The following ERBB4 variants were observed in gnomAD, a reference collection of about 807,000 sequenced individuals.
The protein encoded by ERBB4 is erb-b2 receptor tyrosine kinase 4, also known as receptor tyrosine-protein kinase erbB-4.
A neutral mutation model predicts 158.0 loss-of-function variants in ERBB4; 42 were observed. The ratio of observed to expected loss-of-function variants is 0.27; its 90% CI spans 0.21 to 0.34. The LOEUF is 0.34. Ranked by LOEUF, ERBB4 falls within the 10% of genes least tolerant of loss-of-function variation. ERBB4 has a pLI of 1.00. For synonymous variants in ERBB4, 583 were observed against 558.7 expected (o/e 1.04, Z -0.61); for missense variants, 1,333 against 1,624.1 (o/e 0.82, Z 3.08).
intron 3 of ERBB4, among the ~76,000 whole-genome samples, chr2:211,911,240 A>G (rs2079533764): frequency 6.6e-6 from 1 of 152,180 alleles, no homozygotes; most frequent in Non-Finnish European, 1.5e-5. Flanking sequence ...TGATGCAAAC[A>G]TGGACATCTT....
Position 212,350,983 on chromosome 2 carries a change from T to C in ERBB4, c.82+187466A>G, listed in dbSNP as rs112969827. On this transcript the variant is annotated intron_variant, in intron 1 of 27. Transcript: ENST00000342788. ...CCATGGAGCAGGGAAGGGCTATTAT[T>C]ATCAGCTAGTGGGTATTACTGGCTG... Among the ~76,000 whole-genome samples, 306 of 152,272 alleles carry C rather than the reference T, an allele frequency of 2.0e-3. 3 individuals are homozygous for C. Among genetic ancestry groups the C allele is most frequent in the Middle Eastern group, 6.8e-3 (2 of 294 alleles).
At chr2:211,882,031 C>A (rs2078678255) in intron 3 of ERBB4, among the ~76,000 whole-genome samples, 1 of 152,064 alleles carries the variant, frequency 6.6e-6, no homozygotes, top group Admixed American at 6.6e-5. Context: ...AGAAAAATAT[C>A]CAGAAAACCT....
intron 2 of ERBB4, among the ~76,000 whole-genome samples, chr2:212,008,834 G>T (rs1228922824): frequency 6.6e-6 from 1 of 152,068 alleles, no homozygotes; most frequent in Non-Finnish European, 1.5e-5. Flanking sequence ...AACTATATTT[G>T]TTCCTAAAAT....
intron 16 of ERBB4, among the ~76,000 whole-genome samples, chr2:211,643,981 C>G (rs960781140): frequency 2.6e-5 from 4 of 152,082 alleles, no homozygotes; most frequent in South Asian, 4.1e-4. Context: ...ATAAAGAGAA[C>G]ATGAAGAAAC....
chr2:211,482,319 A>C (rs1369028810), intron 20 of ERBB4, among the ~76,000 whole-genome samples: 4 of 152,198 alleles, frequency 2.6e-5, no homozygotes, highest in Non-Finnish European at 5.9e-5. Flanking sequence ...CAGAGTAGAA[A>C]ACTTCACACT....
At chr2:211,738,617 C>T (rs1425293658) in intron 5 of ERBB4, among the ~76,000 whole-genome samples, 2 of 151,844 alleles carry the variant, frequency 1.3e-5, no homozygotes, top group African/African-American at 4.8e-5. Flanking sequence ...GGTGATCCAC[C>T]TGCCTTGGCC....
intron 1 of ERBB4, among the ~76,000 whole-genome samples, chr2:212,196,027 A>G (rs1172613122): frequency 1.3e-5 from 2 of 152,126 alleles, no homozygotes; most frequent in African/African-American, 2.4e-5. Flanking sequence ...TAACAAAAGC[A>G]ATTTTAATGT....
chr2:211,906,319 G>A (rs545025340), intron 3 of ERBB4, among the ~76,000 whole-genome samples: 1 of 152,098 alleles, frequency 6.6e-6, no homozygotes, highest in Admixed American at 6.6e-5. Flanking sequence ...AAATAAAAAA[G>A]GAAAATAATT....
intron 2 of ERBB4, among the ~76,000 whole-genome samples, chr2:212,111,623 T>C (rs551646573): frequency 7.9e-6 from 1 of 127,022 alleles, no homozygotes; most frequent in African/African-American, 2.6e-5. Flanking sequence ...CTTCTCCTTT[T>C]TCTCTATTCT....
chr2:211,912,713 A>C (rs955923320), intron 3 of ERBB4, among the ~76,000 whole-genome samples: 12 of 152,204 alleles, frequency 7.9e-5, no homozygotes, highest in African/African-American at 2.9e-4. Flanking sequence ...GTGGCTCTGC[A>C]AAGCCATCTT....
rs578172189 is a variant in ERBB4 at position 211,687,186 on chromosome 2, T to A, written c.1490-8002A>T. Among the ~76,000 whole-genome samples the A allele has an allele frequency of 2.0e-5, 3 of 149,376 alleles. No individual in the cohort carries two copies. In the South Asian group the frequency reaches 6.4e-4, roughly 32 times the overall value. ...CAGGCGTGGTGGTGGGCGCCTGTAG[T>A]CCCAGTTACTTGGGAGGCTGAGGCA... On this transcript the variant is annotated intron_variant, in intron 12 of 27. Coordinates refer to ENST00000342788, the MANE Select transcript of ERBB4 (RefSeq NM_005235.3).
intron 20 of ERBB4, among the ~76,000 whole-genome samples, chr2:211,483,015 CAT>C (rs1172422792): frequency 6.6e-6 from 1 of 151,870 alleles, no homozygotes; most frequent in Non-Finnish European, 1.5e-5. Flanking sequence ...AATTATATTT[CAT>C]ATGTTTAAGA....
At chr2:212,486,961 AAAC>A (rs1271255733) in intron 1 of ERBB4, among the ~76,000 whole-genome samples, 3 of 152,162 alleles carry the variant, frequency 2.0e-5, no homozygotes, top group Non-Finnish European at 4.4e-5. Context: ...CAAGATCTTA[AAAC>A]AATAGTACAG....
At chr2:211,717,693 G>A (rs1300965312) in intron 7 of ERBB4, among the ~76,000 whole-genome samples, 3 of 78,308 alleles carry the variant, frequency 3.8e-5, no homozygotes, top group East Asian at 2.6e-4. Context: ...GCTGGGCGTG[G>A]TGGATGTGCC....
chr2:212,234,972 A>C (rs1321868442), intron 1 of ERBB4, among the ~76,000 whole-genome samples: 1 of 151,980 alleles, frequency 6.6e-6, no homozygotes, highest in East Asian at 1.9e-4. Flanking sequence ...GAGGCTTTTT[A>C]GTTTAATTAG....
chr2:212,256,025 G>GT (rs1472292619), intron 1 of ERBB4, among the ~76,000 whole-genome samples: 1 of 149,824 alleles, frequency 6.7e-6, no homozygotes, highest in Non-Finnish European at 1.5e-5. Flanking sequence ...AATGGGGGGG[G>GT]GTCTCACTCT....
chr2:212,394,901 C>A (rs560248630), intron 1 of ERBB4, among the ~76,000 whole-genome samples: 3 of 151,986 alleles, frequency 2.0e-5, no homozygotes, highest in African/African-American at 7.2e-5. Context: ...GATACACTGA[C>A]CTGAAGGAGA....
intron 1 of ERBB4, among the ~76,000 whole-genome samples, chr2:212,154,970 G>C (rs1357890862): frequency 2.6e-5 from 4 of 152,144 alleles, no homozygotes; most frequent in Non-Finnish European, 4.4e-5. Context: ...ACTTGACACT[G>C]GTGCTTCTTT....
chr2:211,784,103 T>TA (rs971434761), intron 4 of ERBB4, among the ~76,000 whole-genome samples: 16 of 152,250 alleles, frequency 1.1e-4, no homozygotes, highest in East Asian at 3.9e-4. Context: ...TAATTACAGT[T>TA]AAAAAAAGAG....
Sources: allele counts gnomAD v4.1 joint callset (sites outside exome capture counted in the v4.1 genomes callset), GRCh38; gene constraint gnomAD v4.1.1; transcripts MANE v1.5; gene names NCBI Gene and HGNC (gene_info 2026-07-23, HGNC 2026-07-21).